ZNF654: variants seen among roughly 807,000 people sequenced by gnomAD.
ZNF654 encodes melanoma-associated antigen.
ZNF654 carries 19 observed loss-of-function variants against 95.3 expected under a neutral mutation model. The ratio of observed to expected loss-of-function variants is 0.20; its 90% CI spans 0.14 to 0.29. The LOEUF (loss-of-function observed/expected upper bound fraction) is 0.29, where lower values mean the gene tolerates loss of function less well. Among genes scored for constraint, ZNF654 ranks in the 10% least tolerant of loss-of-function variants. The pLI is 1.00. For missense variants in ZNF654, 1,046 were observed against 1,341.0 expected (o/e 0.78, Z 3.44); for synonymous variants, 413 against 457.9 (o/e 0.90, Z 1.25).
At chr3:88,086,205 C>T (rs1205317974) in intron 1 of ZNF654, 52 bp from the exon 2 acceptor site, 13 of 1,476,668 alleles carry the variant, frequency 8.8e-6, no homozygotes, top group East Asian at 7.4e-5. Context: ...TTTTTAAACT[C>T]GAGATGTTGA....
intron 7 of ZNF654, among the ~76,000 whole-genome samples, chr3:88,137,562 T>C (rs1706873921): frequency 6.6e-6 from 1 of 152,138 alleles, no homozygotes; most frequent in South Asian, 2.1e-4. Flanking sequence ...CATACACAGA[T>C]ATTTATAAAA....
chr3:88,089,190 T>C (rs1207126068), intron 2 of ZNF654, among the ~76,000 whole-genome samples: 1 of 60,484 alleles, frequency 1.7e-5, no homozygotes, highest in African/African-American at 4.3e-5. Context: ...AGCTTACGTA[T>C]TAAAAAAAAA....
At chr3:88,105,580 G>A (rs1261676326) in intron 2 of ZNF654, among the ~76,000 whole-genome samples, 4 of 152,104 alleles carry the variant, frequency 2.6e-5, no homozygotes, top group African/African-American at 9.7e-5. Flanking sequence ...TTGTAATGTT[G>A]CTAAATATGC....
intron 2 of ZNF654, among the ~76,000 whole-genome samples, chr3:88,112,202 T>A (rs1355961609): frequency 6.6e-6 from 1 of 151,886 alleles, no homozygotes; most frequent in Non-Finnish European, 1.5e-5. Context: ...TTAGGTCTTA[T>A]ATAATTTTAA....
intron 7 of ZNF654, among the ~76,000 whole-genome samples, chr3:88,137,536 G>A (rs1001523555): frequency 6.6e-6 from 1 of 152,012 alleles, no homozygotes; most frequent in African/African-American, 2.4e-5. Flanking sequence ...TCACAGTTGG[G>A]GGGTGAGGAC....
At chr3:88,123,748 C>T (rs956979809) in intron 3 of ZNF654, among the ~76,000 whole-genome samples, 1 of 152,174 alleles carries the variant, frequency 6.6e-6, no homozygotes, top group Non-Finnish European at 1.5e-5. Flanking sequence ...TGGATTGTCC[C>T]AGGACTGAGC....
At position 88,140,328 on chromosome 3, in the gene ZNF654, G is replaced by T; in HGVS notation, c.2659G>T (p.Asp887Tyr). ...ACAACCAAGTGAAACAATTCTTTGG[G>T]ATGTTCAGACAGACTCAAATCCTAA... ...SAQPSETILW[D>Y]VQTDSNPNQE... The change falls in exon 8 of 9, where the codon GAT becomes TAT. Residue 887 changes from aspartate (D) to tyrosine (Y), a missense_variant. Physicochemically the swap from Asp to Tyr is radical, Grantham distance 160. This residue lies in a region of ZNF654 where 495 missense variants were observed against 537.0 expected (regional missense o/e 0.92). Coordinates refer to ENST00000636215, the MANE Select transcript of ZNF654 (RefSeq NM_001350134.2). 1 of 1,613,556 alleles carries T rather than the reference G, an allele frequency of 6.2e-7. No individual in the cohort carries two copies. Among genetic ancestry groups the T allele is most frequent in the Non-Finnish European group, 8.5e-7 (1 of 1,179,712 alleles).
chr3:88,072,029 A>T (rs1157295980), intron 1 of ZNF654, among the ~76,000 whole-genome samples: 1 of 152,200 alleles, frequency 6.6e-6, no homozygotes, highest in Non-Finnish European at 1.5e-5. Context: ...TATCTTAGGC[A>T]TAAATCTACA....
intron 2 of ZNF654, 87 bp downstream of exon 2, chr3:88,086,489 C>T: frequency 8.5e-7 from 1 of 1,170,896 alleles, no homozygotes; most frequent in South Asian, 2.3e-5. Context: ...GAAGAAGAAA[C>T]CTTTCCTAAA....
chr3:88,071,018 G>A (rs753845182), intron 1 of ZNF654, among the ~76,000 whole-genome samples: 8 of 152,124 alleles, frequency 5.3e-5, no homozygotes, highest in Non-Finnish European at 1.2e-4. Context: ...AGAGAGTTGT[G>A]AGAATGTTAA....
intron 1 of ZNF654, among the ~76,000 whole-genome samples, chr3:88,076,196 T>C (rs937858844): frequency 1.3e-5 from 2 of 152,208 alleles, no homozygotes; most frequent in East Asian, 1.9e-4. Context: ...GGTTTTTCAG[T>C]TGCTTTTATT....
At chr3:88,141,610 A>T (rs1485655691) in intron 8 of ZNF654, 35 bp from the exon 9 acceptor site, 1 of 1,437,316 alleles carries the variant, frequency 7.0e-7, no homozygotes, top group East Asian at 2.5e-5. Flanking sequence ...GAATGTCAAT[A>T]AAACTTGCAT....
intron 4 of ZNF654, among the ~76,000 whole-genome samples, chr3:88,127,154 G>C (rs1271568088): frequency 6.6e-6 from 1 of 152,114 alleles, no homozygotes; most frequent in Non-Finnish European, 1.5e-5. Context: ...TTAGTTATGA[G>C]ACAGCCAAGG....
chr3:88,113,578 T>C (rs1705218158), intron 3 of ZNF654, among the ~76,000 whole-genome samples: 1 of 152,120 alleles, frequency 6.6e-6, no homozygotes, highest in Admixed American at 6.6e-5. Context: ...TTTCCGAAGC[T>C]AGGAGACAGA....
chr3:88,059,422 G>T lies in ZNF654; in HGVS notation c.103G>T (p.Asp35Tyr), dbSNP rs1432586931. The T allele has an allele frequency of 2.5e-5, 38 of 1,526,870 alleles. No individual in the cohort carries two copies. The Admixed American group carries it at 7.2e-4, about 29-fold the overall frequency. The allele number at this position is 1,526,870 out of a possible 1,614,324, so 94.6% of individuals were successfully genotyped here. The change falls in exon 1 of 9, where the codon GAC becomes TAC. Residue 35 changes from aspartate to tyrosine, a missense_variant. Asp to Tyr is a radical substitution (Grantham distance 160). Transcript: ENST00000636215. ...LGPVGLRAAG[D>Y]GRGGAGSGNC... Reference sequence around the variant, plus strand: ...CCCTGTGGGGCTTAGAGCTGCGGGCGACGGCAGAGGCGGCGCTGGCAGCGG... The same window carrying T: ...CCCTGTGGGGCTTAGAGCTGCGGGCTACGGCAGAGGCGGCGCTGGCAGCGG...
intron 1 of ZNF654, among the ~76,000 whole-genome samples, chr3:88,072,977 GTTT>G (rs746555494): frequency 1.1e-4 from 1 of 9,370 alleles, no homozygotes; most frequent in Non-Finnish European, 6.0e-4. Flanking sequence ...AAAATTGTTA[GTTT>G]TAAAATGTAG....
chr3:88,097,547 T>C (rs1207907475), intron 2 of ZNF654, among the ~76,000 whole-genome samples: 3 of 151,970 alleles, frequency 2.0e-5, no homozygotes, highest in Admixed American at 6.6e-5. Context: ...CAACACCACA[T>C]CACACTTATT....
At chr3:88,084,784 C>T (rs1708251621) in intron 1 of ZNF654, among the ~76,000 whole-genome samples, 2 of 152,128 alleles carry the variant, frequency 1.3e-5, no homozygotes, top group South Asian at 2.1e-4. Context: ...GCGTGAGTTT[C>T]GTGTTTATGA....
chr3:88,122,260 G>T (rs1328658324), intron 3 of ZNF654, among the ~76,000 whole-genome samples: 1 of 152,162 alleles, frequency 6.6e-6, no homozygotes, highest in African/African-American at 2.4e-5. Flanking sequence ...GGGAGATGTG[G>T]AAGAGACCAG....
Sources: gnomAD v4.1 joint callset for allele counts (sites outside exome capture counted in the v4.1 genomes callset) on GRCh38, gnomAD v4.1.1 for gene constraint, gnomAD v4.1.1 regional missense constraint, MANE v1.5 for transcripts, NCBI Gene and HGNC (gene_info 2026-07-23, HGNC 2026-07-21) for gene names.